SCN4A: variants seen among roughly 807,000 people sequenced by gnomAD.
SCN4A encodes sodium channel protein type 4 subunit alpha.
SCN4A carries 83 observed loss-of-function variants against 162.0 expected under a neutral mutation model. That is an observed-to-expected ratio of 0.51 (90% confidence interval 0.43 to 0.61). The LOEUF (loss-of-function observed/expected upper bound fraction) is 0.61, where lower values mean the gene tolerates loss of function less well. SCN4A is among the 20% of genes least tolerant of loss of function. The pLI, the probability that SCN4A is intolerant of heterozygous loss-of-function variation, is 0.00. For synonymous variants in SCN4A, 944 were observed against 985.1 expected, an observed-to-expected ratio of 0.96 and a Z score of 0.78; for missense variants, 2,196 against 2,462.5, an observed-to-expected ratio of 0.89 and a Z score of 2.29.
Position 63,959,457 on chromosome 17 carries a change from C to T in SCN4A, c.1846-19G>A, listed in dbSNP as rs1364759140. 2 of 1,610,844 alleles carry T rather than the reference C, an allele frequency of 1.2e-6. No homozygotes were observed. The highest frequency in any genetic ancestry group is 1.7e-5 in the Admixed American group (1 of 59,482). On this transcript the variant is annotated intron_variant, in intron 11 of 23. Coordinates refer to ENST00000435607, the MANE Select transcript of SCN4A (RefSeq NM_000334.4). ...TGAAGACCTAGGGGGTGGCATGAGG[C>T]CCTGTCACAGAGCCTCGGGGAGCCC... is the stretch of plus-strand genomic sequence containing the variant.
Position 63,940,527 on chromosome 17 carries a change from A to G in SCN4A, c.*244T>C. ...GAGGTCAGAGCAACTTGCAGGTTAA[A>G]TCTTGGAGGCAGGGGCCTCAGACCC... On this transcript the variant is annotated 3_prime_UTR_variant, in exon 24 of 24. Transcript: ENST00000435607. The G allele has an allele frequency of 2.1e-6, 1 of 470,006 alleles. No homozygotes were observed. Among genetic ancestry groups the G allele is most frequent in the Non-Finnish European group, 3.7e-6 (1 of 269,294 alleles). The allele number at this position is 470,006 out of a possible 1,614,324, so 29.1% of individuals were successfully genotyped here.
intron 6 of SCN4A, 46 bp downstream of exon 6, chr17:63,967,977 G>A (rs991485319): frequency 6.6e-7 from 1 of 1,511,108 alleles, no homozygotes; most frequent in African/African-American, 1.4e-5. Context: ...GCTACCCTAG[G>A]GACTGGGACA....
At position 63,940,436 on chromosome 17, in the gene SCN4A, T is replaced by C. The variant is rs1908480687; in HGVS notation, c.*335A>G. 3.4e-6 allele frequency: 1 copy of C among 296,418 alleles called. No individual in the cohort carries two copies. The allele number at this position is 296,418 out of a possible 1,614,324, so 18.4% of individuals were successfully genotyped here. On this transcript the variant is annotated 3_prime_UTR_variant, in exon 24 of 24. Transcript: ENST00000435607. ...CACCGCAGGCCAGCTCCTCCTCAAG[T>C]GAGGGGCAGAGATTCGAATGTTCTG...
At position 63,951,542 on chromosome 17, in the gene SCN4A, AG is replaced by A. The variant is rs1304175866; in HGVS notation, c.2734del (p.Asn913ThrfsTer8). On this transcript the variant is annotated frameshift_variant, in exon 14 of 24. Transcript: ENST00000435607. LOFTEE classifies it high-confidence loss of function. This position sits in a 1 kb window ranked among gnomAD's most constrained non-coding sequence, Gnocchi z 4.5. ...CAGGTAGGGGTTGTTGATGAAGTTA[AG>A]GTGGTCCAGCTCGAGGCTGGATGGG... The part of the protein sequence containing the change: ...GPPSSLELDH[L>X]NFINNPYLTI... 1.9e-6 allele frequency: 3 copies of A among 1,613,850 alleles called. No individual in the cohort carries two copies. The highest frequency in any genetic ancestry group is 2.5e-6 in the Non-Finnish European group (3 of 1,179,884).
intron 16 of SCN4A, 135 bp downstream of exon 16, chr17:63,948,476 G>C (rs952883027): frequency 2.8e-6 from 2 of 713,802 alleles, no homozygotes; most frequent in South Asian, 4.2e-5. Context: ...GAGGCACAGC[G>C]AGTTCCTTTA....
At chr17:63,949,779 C>T in intron 14 of SCN4A, 1 of 385,078 alleles carries the variant, frequency 2.6e-6, no homozygotes, top group Non-Finnish European at 4.7e-6. Flanking sequence ...ACGGTAAGGG[C>T]ATGAGGACAC....
At chr17:63,968,413 C>A (rs746710517) in intron 5 of SCN4A, 58 bp from the exon 6 acceptor site, 10 of 1,416,732 alleles carry the variant, frequency 7.1e-6, no homozygotes, top group Non-Finnish European at 9.6e-6. Flanking sequence ...ATAACAGAGC[C>A]CCCGCGGCCC....
Position 63,948,694 on chromosome 17 carries a change from G to T in SCN4A, c.3061C>A (p.Arg1021Ser). The T allele has an allele frequency of 6.2e-7, 1 of 1,613,586 alleles. No individual in the cohort carries two copies. The highest frequency in any genetic ancestry group is 8.5e-7 in the Non-Finnish European group (1 of 1,179,742). ...TCGACAATCTTGAAGCAGGCCCTGC[G>T]CAGAGTCCACCACTTCTTCCCACGG... is the stretch of plus-strand genomic sequence containing the variant. ...QGRGKKWWTL[R>S]RACFKIVEHN... The change falls in exon 16 of 24, where the codon CGC becomes AGC. Residue 1021 changes from arginine to serine, a missense_variant. Arg to Ser is a moderately radical substitution (Grantham distance 110, BLOSUM62 -1). Coordinates refer to ENST00000435607, the MANE Select transcript of SCN4A (RefSeq NM_000334.4).
At position 63,940,959 on chromosome 17, in the gene SCN4A, T is replaced by G; in HGVS notation, c.5323A>C (p.Thr1775Pro). The G allele has an allele frequency of 6.2e-7, 1 of 1,613,570 alleles. No homozygotes were observed. Among genetic ancestry groups the G allele is most frequent in the Non-Finnish European group, 8.5e-7 (1 of 1,179,534 alleles). The change falls in exon 24 of 24, where the codon ACC becomes CCC. Residue 1775 changes from threonine (T) to proline (P), a missense_variant. By Grantham distance (38) the Thr-to-Pro change is conservative. Coordinates refer to ENST00000435607, the MANE Select transcript of SCN4A (RefSeq NM_000334.4). ...TCGTGGCCATACATCTTGCTCATGG[T>G]GTTGGCAAGCAGCCCCTCCTTCTCA... ...APEKEGLLAN[T>P]MSKMYGHENG...
intron 16 of SCN4A, 95 bp from the exon 17 acceptor site, chr17:63,948,158 G>A: frequency 2.9e-6 from 3 of 1,025,354 alleles, no homozygotes; most frequent in Non-Finnish European, 1.4e-6. Context: ...GTTCCCGGGG[G>A]TCTGCCGTGG....
rs149594719 is a variant in SCN4A at position 63,963,096 on chromosome 17, C to T, written c.1606+576G>A. Among the ~76,000 whole-genome samples, 352 of 152,308 alleles carry T rather than the reference C, an allele frequency of 2.3e-3. 2 individuals carry two copies. The Middle Eastern group carries it at 0.024, about 10-fold the overall frequency. Reference sequence around the variant, plus strand: ...CCCTCTCATCCATCCATCCATCCATCCATCCGTCCGTCCATCCATCTGTCC... The same window carrying T: ...CCCTCTCATCCATCCATCCATCCATTCATCCGTCCGTCCATCCATCTGTCC... On this transcript the variant is annotated intron_variant, in intron 10 of 23. Transcript: ENST00000435607.
chr17:63,946,470 C>CG (rs1567818475), intron 18 of SCN4A, among the ~76,000 whole-genome samples: 3 of 131,116 alleles, frequency 2.3e-5, no homozygotes, highest in South Asian at 5.2e-4. Flanking sequence ...TTGCCCCCCC[C>CG]CCCACCCCGC....
intron 8 of SCN4A, 82 bp downstream of exon 8, chr17:63,966,020 G>A: frequency 9.3e-7 from 1 of 1,070,192 alleles, no homozygotes; most frequent in Admixed American, 2.0e-5. Context: ...TCCTGTGGTA[G>A]GCCCCATCAG....
At chr17:63,961,651 C>A in intron 10 of SCN4A, 1 of 400,558 alleles carries the variant, frequency 2.5e-6, no homozygotes, top group Non-Finnish European at 4.7e-6. Context: ...CAAAGCCCCG[C>A]GCTCTGAGCG....
rs371104286 is a variant in SCN4A at position 63,941,091 on chromosome 17, C to T, written c.5191G>A (p.Ala1731Thr). The T allele has an allele frequency of 5.5e-4, 882 of 1,613,964 alleles. 17 individuals are homozygous for T. The South Asian group carries it at 9.3e-3, about 17-fold the overall frequency. The change falls in exon 24 of 24, where the codon GCC becomes ACC. Residue 1731 changes from alanine (A) to threonine (T), a missense_variant. Ala to Thr is a moderately conservative substitution (Grantham distance 58, BLOSUM62 0). Coordinates refer to ENST00000435607, the MANE Select transcript of SCN4A (RefSeq NM_000334.4). The surrounding 1 kb of genome is among the most constrained non-coding windows in gnomAD (Gnocchi z 6.2). Reference protein sequence around the residue: ...TLKRKHEEVCAIKIQRAYRRH... With the variant: ...TLKRKHEEVCTIKIQRAYRRH... ...CGGTAGGCCCTCTGGATCTTGATGG[C>T]GCACACCTCCTCGTGCTTCCTCTTG...
intron 13 of SCN4A, among the ~76,000 whole-genome samples, chr17:63,956,550 G>A (rs750432434): frequency 3.3e-5 from 5 of 152,188 alleles, no homozygotes; most frequent in African/African-American, 4.8e-5. Context: ...CTTTTTCGGC[G>A]CCTGGACCAT....
Position 63,968,189 on chromosome 17 carries a change from G to A in SCN4A, c.870C>T (p.Thr290=). 6.2e-7 allele frequency: 1 copy of A among 1,613,990 alleles called. No homozygotes were observed. Among genetic ancestry groups the A allele is most frequent in the African/African-American group, 1.3e-5 (1 of 75,036 alleles). ...CVRWPPPFND[T]NTTWYSNDTW... is the part of the protein sequence containing the mutation. ...TGTCATTGCTGTACCACGTGGTGTT[G>A]GTGTCGTTGAACGGCGGGGGCCAGC... Residue 290 remains threonine, a synonymous_variant, in exon 6 of 24, where the codon ACC becomes ACT. Coordinates refer to ENST00000435607, the MANE Select transcript of SCN4A (RefSeq NM_000334.4).
rs1909259174 is a variant in SCN4A at position 63,961,595 on chromosome 17, C to G, written c.1607-164G>C. 5.4e-6 allele frequency: 3 copies of G among 559,700 alleles called. No homozygotes were observed. In the East Asian group the frequency reaches 9.2e-5, roughly 17 times the overall value. The allele number at this position is 559,700 out of a possible 1,614,324, so 34.7% of individuals were successfully genotyped here. A position where few individuals can be genotyped will look rare whatever the true frequency, so the allele number is the denominator to read the frequency against. On this transcript the variant is annotated intron_variant, in intron 10 of 23. Transcript: ENST00000435607. ...AAGTTCCACCGCCTCTTGCGTCACC[C>G]TTACTGTCACCTCCCCTGTAACCTC...
intron 18 of SCN4A, among the ~76,000 whole-genome samples, chr17:63,946,472 C>CG (rs1555601581): frequency 5.4e-5 from 7 of 128,892 alleles, no homozygotes; most frequent in African/African-American, 1.1e-4. Context: ...GCCCCCCCCC[C>CG]CACCCCGCCG....
Sources: gnomAD v4.1 joint callset for allele counts (sites outside exome capture counted in the v4.1 genomes callset) on GRCh38, gnomAD v4.1.1 for gene constraint, Gnocchi (gnomAD v3.1) non-coding constraint, MANE v1.5 for transcripts, NCBI Gene and HGNC (gene_info 2026-07-23, HGNC 2026-07-21) for gene names.